The following AKR1C8 variants were observed in gnomAD, a reference collection of about 807,000 sequenced individuals.
AKR1C8 encodes aldo-keto reductase family 1 member C-like protein 1.
the AKR1C8 span, among the ~76,000 whole-genome samples, chr10:5,149,247 AGTTTC>A: frequency 1.3e-5 from 2 of 152,100 alleles, no homozygotes; most frequent in Non-Finnish European, 2.9e-5. Context: ...GGTGTACTAT[AGTTTC>A]TTTTGAAACA....
the AKR1C8 span, among the ~76,000 whole-genome samples, chr10:5,116,106 TCA>T: frequency 1.3e-5 from 2 of 152,278 alleles, no homozygotes; most frequent in South Asian, 4.1e-4. Flanking sequence ...TTGACCTTAA[TCA>T]CACAGCATGG....
chr10:5,177,938 A>T, the AKR1C8 span, among the ~76,000 whole-genome samples: 1 of 152,026 alleles, frequency 6.6e-6, no homozygotes, highest in Non-Finnish European at 1.5e-5. Context: ...CAGCTCCTGG[A>T]TTCATTAATT....
the AKR1C8 span, among the ~76,000 whole-genome samples, chr10:5,177,280 T>G: frequency 5.3e-5 from 8 of 152,000 alleles, no homozygotes; most frequent in Non-Finnish European, 1.2e-4. Context: ...TGGATTACAT[T>G]TATTGATTTG....
At chr10:5,117,129 GC>G in the AKR1C8 span, among the ~76,000 whole-genome samples, 13 of 89,302 alleles carry the variant, frequency 1.5e-4, 1 homozygote, top group South Asian at 2.8e-3. Context: ...CTGGCAGTGA[GC>G]TTTTTTTTTT....
At chr10:5,122,221 TG>T in the AKR1C8 span, 1 of 301,228 alleles carries the variant, frequency 3.3e-6, no homozygotes, top group Non-Finnish European at 6.8e-6. Context: ...AGCTTCTACC[TG>T]GGAATCCAAG....
the AKR1C8 span, among the ~76,000 whole-genome samples, chr10:5,138,775 C>A: frequency 6.6e-6 from 1 of 151,786 alleles, no homozygotes; most frequent in African/African-American, 2.4e-5. Flanking sequence ...CAGGGATGCC[C>A]TCTCTCACCA....
chr10:5,152,726 T>G, the AKR1C8 span, among the ~76,000 whole-genome samples: 1 of 152,158 alleles, frequency 6.6e-6, no homozygotes, highest in African/African-American at 2.4e-5. Flanking sequence ...TTGAGGGTAT[T>G]GTTTTATGAG....
chr10:5,138,990 T>G, the AKR1C8 span, among the ~76,000 whole-genome samples: 1 of 152,018 alleles, frequency 6.6e-6, no homozygotes, highest in African/African-American at 2.4e-5. Flanking sequence ...TGAGCAAAAA[T>G]CACAAGCATT....
the AKR1C8 span, among the ~76,000 whole-genome samples, chr10:5,136,669 C>T: frequency 6.6e-6 from 1 of 152,118 alleles, no homozygotes; most frequent in South Asian, 2.1e-4. Flanking sequence ...ATGTAAATGG[C>T]TTAAATTTCC....
At chr10:5,164,726 C>G in the AKR1C8 span, among the ~76,000 whole-genome samples, 9,016 of 152,134 alleles carry the variant, frequency 0.059, 362 homozygotes, top group Non-Finnish European at 0.084. Flanking sequence ...AGTTTTCTTT[C>G]ATGGAAGACC....
the AKR1C8 span, among the ~76,000 whole-genome samples, chr10:5,148,259 A>G: frequency 6.6e-6 from 1 of 151,530 alleles, no homozygotes; most frequent in African/African-American, 2.4e-5. Context: ...AGGAGGGGAG[A>G]AGCAGGGAAG....
the AKR1C8 span, among the ~76,000 whole-genome samples, chr10:5,180,236 C>G: frequency 5.9e-5 from 9 of 152,188 alleles, no homozygotes; most frequent in Admixed American, 5.9e-4. Context: ...TGCTAGAGGT[C>G]CACTCCAGAC....
the AKR1C8 span, among the ~76,000 whole-genome samples, chr10:5,174,630 AAAC>A: frequency 6.6e-6 from 1 of 152,090 alleles, no homozygotes; most frequent in African/African-American, 2.4e-5. Context: ...CATATCAATA[AAAC>A]AACTTACCAG....
chr10:5,150,683 C>T, the AKR1C8 span, among the ~76,000 whole-genome samples: 1 of 151,762 alleles, frequency 6.6e-6, no homozygotes, highest in South Asian at 2.1e-4. Flanking sequence ...TTTTATACCA[C>T]AAAATAAAGT....
the AKR1C8 span, chr10:5,123,634 C>G: frequency 2.2e-6 from 3 of 1,351,440 alleles, no homozygotes; most frequent in Non-Finnish European, 3.1e-6. Context: ...GAGTAAACTC[C>G]AGGAAAGAGA....
chr10:5,174,330 T>A, the AKR1C8 span, among the ~76,000 whole-genome samples: 2 of 151,758 alleles, frequency 1.3e-5, no homozygotes, highest in Non-Finnish European at 2.9e-5. Flanking sequence ...CCACCAAAGA[T>A]TTTTGAAGGA....
the AKR1C8 span, among the ~76,000 whole-genome samples, chr10:5,150,122 AG>A: frequency 0.031 from 4,795 of 152,224 alleles, 257 homozygotes; most frequent in African/African-American, 0.11. Context: ...CTCTTCACTG[AG>A]GGGATTCCAG....
At chr10:5,172,663 A>G in the AKR1C8 span, among the ~76,000 whole-genome samples, 3 of 152,150 alleles carry the variant, frequency 2.0e-5, no homozygotes, top group African/African-American at 7.2e-5. Flanking sequence ...TAATAAATGC[A>G]AACAAAAACG....
the AKR1C8 span, among the ~76,000 whole-genome samples, chr10:5,153,180 T>A: frequency 6.6e-6 from 1 of 152,212 alleles, no homozygotes; most frequent in Non-Finnish European, 1.5e-5. Flanking sequence ...TTTGCCTATT[T>A]AATTTACTGC....
Sources: allele counts gnomAD v4.1 joint callset (sites outside exome capture counted in the v4.1 genomes callset), GRCh38; gene constraint gnomAD v4.1.1; transcripts MANE v1.5; gene names NCBI Gene and HGNC (gene_info 2026-07-23, HGNC 2026-07-21).